Variants in BTRC observed in about 807,000 individuals in gnomAD.
The protein encoded by BTRC is F-box/WD repeat-containing protein 1A.
A neutral mutation model predicts 85.5 loss-of-function variants in BTRC; 42 were observed. That is an observed-to-expected ratio of 0.49 (90% CI 0.38 to 0.64). The LOEUF (loss-of-function observed/expected upper bound fraction) is 0.64. BTRC is among the 30% of genes least tolerant of loss of function. The pLI is 0.00. For missense variants in BTRC, 594 were observed against 743.5 expected (o/e 0.80, Z 2.34); for synonymous variants, 255 against 263.3 (o/e 0.97, Z 0.30).
intron 1 of BTRC, among the ~76,000 whole-genome samples, chr10:101,395,373 TC>T (rs1943338454): frequency 6.6e-6 from 1 of 152,190 alleles, no homozygotes; most frequent in Non-Finnish European, 1.5e-5. Context: ...CTGTTCTTCC[TC>T]CCTTGACTGT....
At chr10:101,470,333 T>C (rs1033178157) in intron 3 of BTRC, among the ~76,000 whole-genome samples, 14 of 144,774 alleles carry the variant, frequency 9.7e-5, no homozygotes, top group East Asian at 2.0e-4. Context: ...TTCTTTCTTT[T>C]TTTTTTTTTT....
chr10:101,529,039 A>G (rs1233672477), intron 6 of BTRC, among the ~76,000 whole-genome samples: 1 of 152,232 alleles, frequency 6.6e-6, no homozygotes, highest in Non-Finnish European at 1.5e-5. Context: ...ATAAAAGACC[A>G]CTTGGGAAAA....
intron 1 of BTRC, among the ~76,000 whole-genome samples, chr10:101,370,867 A>G (rs768752654): frequency 2.4e-4 from 36 of 152,022 alleles, no homozygotes; most frequent in Admixed American, 1.7e-3. Flanking sequence ...GGTGTGCACC[A>G]CTTCACTGGG....
At chr10:101,527,478 T>G (rs2062209261) in intron 6 of BTRC, among the ~76,000 whole-genome samples, 1 of 152,062 alleles carries the variant, frequency 6.6e-6, no homozygotes, top group African/African-American at 2.4e-5. Flanking sequence ...GTTGGCCGGG[T>G]GGGGTGGCTC....
At chr10:101,372,475 G>T (rs966104198) in intron 1 of BTRC, among the ~76,000 whole-genome samples, 2 of 148,646 alleles carry the variant, frequency 1.3e-5, no homozygotes, top group Non-Finnish European at 3.0e-5. Context: ...GGCTGGTCTC[G>T]AACTCCCTGA....
At chr10:101,446,829 AT>A (rs1161060812) in intron 2 of BTRC, among the ~76,000 whole-genome samples, 1 of 152,142 alleles carries the variant, frequency 6.6e-6, no homozygotes, top group East Asian at 1.9e-4. Context: ...TGTAGTTCTT[AT>A]GTTTCTTCCC....
intron 1 of BTRC, among the ~76,000 whole-genome samples, chr10:101,383,900 A>G (rs1943000844): frequency 6.6e-6 from 1 of 152,154 alleles, no homozygotes; most frequent in South Asian, 2.1e-4. Context: ...TTTTTTAGAG[A>G]TGGAGTCTTG....
Position 101,545,093 on chromosome 10 carries a change from A to T in BTRC, c.1657-5606A>T, listed in dbSNP as rs1206838894. 2.0e-5 allele frequency among the ~76,000 whole-genome samples: 3 copies of T among 151,576 alleles called. No individual in the cohort carries two copies. In the East Asian group the frequency reaches 5.8e-4, roughly 29 times the overall value. The stretch of plus-strand genomic sequence containing the variant: ...AAAAGCTAGATTGACAGTGTCTTTC[A>T]GCACTTTAATGATGTCATTCCATTT... On this transcript the variant is annotated intron_variant, in intron 13 of 14. Transcript: ENST00000370187.
chr10:101,374,037 C>T (rs1425378123), intron 1 of BTRC, among the ~76,000 whole-genome samples: 2 of 151,746 alleles, frequency 1.3e-5, no homozygotes, highest in African/African-American at 4.8e-5. Flanking sequence ...TTATTCTGTA[C>T]TTTTTTGTAT....
intron 1 of BTRC, among the ~76,000 whole-genome samples, chr10:101,378,665 C>G (rs1405998591): frequency 2.0e-5 from 3 of 151,730 alleles, no homozygotes; most frequent in Non-Finnish European, 4.4e-5. Context: ...GCTGGGACTA[C>G]AGGAATGAGC....
chr10:101,391,057 C>T (rs1471134491), intron 1 of BTRC, among the ~76,000 whole-genome samples: 2 of 152,102 alleles, frequency 1.3e-5, no homozygotes, highest in Non-Finnish European at 2.9e-5. Context: ...TTTCTTGAAA[C>T]TAGCCTGTAT....
chr10:101,413,236 T>G (rs915186865), intron 1 of BTRC, among the ~76,000 whole-genome samples: 3 of 152,196 alleles, frequency 2.0e-5, no homozygotes, highest in Non-Finnish European at 4.4e-5. Context: ...CTCTGCCTCC[T>G]GTGTTCAGGC....
At chr10:101,508,099 TTAAC>T (rs1946589033) in intron 4 of BTRC, among the ~76,000 whole-genome samples, 1 of 152,212 alleles carries the variant, frequency 6.6e-6, no homozygotes, top group Non-Finnish European at 1.5e-5. Context: ...TCCTGTCCCT[TTAAC>T]TATGTCAGAA....
intron 1 of BTRC, among the ~76,000 whole-genome samples, chr10:101,386,984 T>C (rs1297558063): frequency 6.6e-6 from 1 of 152,220 alleles, no homozygotes; most frequent in Non-Finnish European, 1.5e-5. Flanking sequence ...GTTTCACTTT[T>C]TTCCATATGG....
chr10:101,539,166 C>A (rs1421615986), intron 13 of BTRC, among the ~76,000 whole-genome samples: 1 of 151,984 alleles, frequency 6.6e-6, no homozygotes, highest in Non-Finnish European at 1.5e-5. Context: ...TTTTTTGTTC[C>A]CCATATACCC....
chr10:101,541,450 C>T (rs1162561224), intron 13 of BTRC, among the ~76,000 whole-genome samples: 2 of 151,906 alleles, frequency 1.3e-5, no homozygotes, highest in East Asian at 1.9e-4. Context: ...TTAGTAGAGA[C>T]GGGGTTTCAT....
rs376892986 is a variant in BTRC, at chr10:101,367,004, A to T, written c.48+12776A>T. ...TATATTTATATATATTAATATATAT[A>T]TTTATATATATATTTATATTTATAT... On this transcript the variant is annotated intron_variant, in intron 1 of 14. Transcript: ENST00000370187. Among the ~76,000 whole-genome samples, 82 of 42,578 alleles carry T rather than the reference A, an allele frequency of 1.9e-3. 9 individuals are homozygous for T. Among genetic ancestry groups the T allele is most frequent in the Middle Eastern group, 0.015 (1 of 66 alleles). 27.9% of individuals were successfully genotyped at this position (42,578 alleles called of 152,430 possible).
chr10:101,427,795 TG>T (rs1165034057), intron 1 of BTRC, among the ~76,000 whole-genome samples: 1 of 152,136 alleles, frequency 6.6e-6, no homozygotes, highest in Non-Finnish European at 1.5e-5. Context: ...CCCAAAGTGC[TG>T]GGATTATAGG....
At chr10:101,368,912 A>G (rs1282124851) in intron 1 of BTRC, among the ~76,000 whole-genome samples, 1 of 152,086 alleles carries the variant, frequency 6.6e-6, no homozygotes, top group African/African-American at 2.4e-5. Flanking sequence ...CCAGCTACTC[A>G]GGAGGCTGAC....
Sources: allele counts gnomAD v4.1 joint callset (sites outside exome capture counted in the v4.1 genomes callset), GRCh38; gene constraint gnomAD v4.1.1; transcripts MANE v1.5; gene names NCBI Gene and HGNC (gene_info 2026-07-23, HGNC 2026-07-21).